Variants in XYLT1 observed in about 807,000 individuals in gnomAD.
XYLT1 encodes the protein beta-D-xylosyltransferase 1.
In XYLT1, 36 loss-of-function variants were observed where a neutral mutation model predicts 91.3. The ratio of observed to expected loss-of-function variants is 0.39; its 90% confidence interval spans 0.30 to 0.52. XYLT1 has a LOEUF of 0.52. XYLT1 is among the 20% of genes least tolerant of loss of function. XYLT1 has a pLI of 0.68. For synonymous variants in XYLT1, 588 were observed against 532.0 expected, an observed-to-expected ratio of 1.11 and a Z score of -1.45; for missense variants, 1,242 against 1,284.5, an observed-to-expected ratio of 0.97 and a Z score of 0.51.
At chr16:17,232,429 G>GTGTGTATATA (rs1194509016) in intron 3 of XYLT1, among the ~76,000 whole-genome samples, 7 of 121,734 alleles carry the variant, frequency 5.8e-5, no homozygotes, top group African/African-American at 2.1e-4. Context: ...GTGTGTGTGT[G>GTGTGTATATA]TATATATATA....
At chr16:17,132,142 T>C (rs1027065937) in intron 9 of XYLT1, among the ~76,000 whole-genome samples, 1 of 152,180 alleles carries the variant, frequency 6.6e-6, no homozygotes, top group African/African-American at 2.4e-5. Flanking sequence ...TGGAACGACA[T>C]TTGCCTTCCA....
chr16:17,104,099 G>T lies in XYLT1; in HGVS notation c.*4596C>A. The T allele has an allele frequency of 6.5e-6, 1 of 152,888 alleles. No individual in the cohort carries two copies. Among genetic ancestry groups the T allele is most frequent in the Non-Finnish European group, 1.5e-5 (1 of 68,180 alleles). 9.5% of individuals were successfully genotyped at this position (152,888 alleles called of 1,614,324 possible). ...TGTGGTAGACCCATGGGCAAAGTAA[G>T]GTAACTGAGGCAGAAGCAAACAGGA... On this transcript the variant is annotated 3_prime_UTR_variant, in exon 12 of 12. Transcript: ENST00000261381.
intron 10 of XYLT1, among the ~76,000 whole-genome samples, chr16:17,127,202 C>T (rs2030292229): frequency 6.6e-6 from 1 of 152,192 alleles, no homozygotes; most frequent in South Asian, 2.1e-4. Flanking sequence ...TGATCTGGTA[C>T]TTCCCTTGAG....
chr16:17,337,768 A>AATTTTTCTTTTTT lies in XYLT1; in HGVS notation c.402+20243_402+20244insAAAAAAGAAAAAT, dbSNP rs1272127217. On this transcript the variant is annotated intron_variant, in intron 2 of 11. Transcript: ENST00000261381. ...CTGAGTCCTACTTTGTCTGTTCCAC[A>AATTTTTCTTTTTT]TTTTTTCTTTTTCTTTTTTTTTTTT... Among the ~76,000 whole-genome samples, 4 of 102,550 alleles carry AATTTTTCTTTTTT rather than the reference A, an allele frequency of 3.9e-5. 1 individual carries two copies. The highest frequency in any genetic ancestry group is 3.9e-5 in the African/African-American group (1 of 25,798). The allele number at this position is 102,550 out of a possible 152,430, so 67.3% of individuals were successfully genotyped here.
rs987426270 is a variant in XYLT1, at chr16:17,158,810, G to A, written c.1370+19C>T. On this transcript the variant is annotated intron_variant, in intron 6 of 11. Transcript: ENST00000261381. ...ATTTTCATTTCCATTTTGTACAGGG[G>A]TAGGGGTTGAGGTGCTACCTTGCAT... The A allele has an allele frequency of 6.2e-7, 1 of 1,612,598 alleles. No homozygotes were observed. The highest frequency in any genetic ancestry group is 8.5e-7 in the Non-Finnish European group (1 of 1,178,638).
At chr16:17,258,020 G>C (rs886563019) in intron 3 of XYLT1, among the ~76,000 whole-genome samples, 5 of 152,144 alleles carry the variant, frequency 3.3e-5, no homozygotes, top group Non-Finnish European at 5.9e-5. Context: ...CACTCTGCCT[G>C]TGAATTTCTG....
intron 2 of XYLT1, among the ~76,000 whole-genome samples, chr16:17,334,521 G>C (rs568677699): frequency 4.5e-5 from 5 of 111,076 alleles, no homozygotes; most frequent in African/African-American, 9.6e-5. Context: ...TCACACTTCA[G>C]ACCAAAAAAA....
intron 2 of XYLT1, among the ~76,000 whole-genome samples, chr16:17,336,850 A>G (rs1226942300): frequency 6.6e-6 from 1 of 152,206 alleles, no homozygotes; most frequent in African/African-American, 2.4e-5. Context: ...AAGCAGTCCT[A>G]GAAAAAATGC....
chr16:17,186,789 T>C (rs982043507), intron 5 of XYLT1, among the ~76,000 whole-genome samples: 11 of 152,144 alleles, frequency 7.2e-5, no homozygotes, highest in Admixed American at 1.3e-4. Context: ...TTTAAGAGTC[T>C]GGCTCAGCCT....
chr16:17,249,090 T>C (rs2033493283), intron 3 of XYLT1, among the ~76,000 whole-genome samples: 1 of 152,154 alleles, frequency 6.6e-6, no homozygotes, highest in Non-Finnish European at 1.5e-5. Flanking sequence ...ACAAGCTCCC[T>C]GAGGACGGGG....
intron 2 of XYLT1, among the ~76,000 whole-genome samples, chr16:17,291,407 G>A (rs1315670039): frequency 6.6e-6 from 1 of 152,208 alleles, no homozygotes; most frequent in South Asian, 2.1e-4. Flanking sequence ...CACAGATGTC[G>A]AAACTGAGGC....
At chr16:17,421,383 G>T (rs1170393845) in intron 1 of XYLT1, among the ~76,000 whole-genome samples, 2 of 152,188 alleles carry the variant, frequency 1.3e-5, no homozygotes, top group African/African-American at 4.8e-5. Context: ...CCCTTCAAGA[G>T]GTGGGACTTA....
chr16:17,279,420 A>G (rs2034024487), intron 2 of XYLT1, among the ~76,000 whole-genome samples: 1 of 152,320 alleles, frequency 6.6e-6, no homozygotes, highest in South Asian at 2.1e-4. Context: ...AGAGAGGTGA[A>G]GACACTTCCT....
At chr16:17,151,034 G>A (rs2031269644) in intron 6 of XYLT1, among the ~76,000 whole-genome samples, 1 of 152,142 alleles carries the variant, frequency 6.6e-6, no homozygotes, top group African/African-American at 2.4e-5. Context: ...TCTGATTGGT[G>A]GAAGGGACAT....
intron 9 of XYLT1, among the ~76,000 whole-genome samples, chr16:17,132,306 G>A (rs1380410257): frequency 6.6e-6 from 1 of 152,176 alleles, no homozygotes; most frequent in Non-Finnish European, 1.5e-5. Context: ...TTGGGAGACG[G>A]TGGGTGTGGG....
intron 3 of XYLT1, among the ~76,000 whole-genome samples, chr16:17,209,927 G>T (rs1049677219): frequency 1.3e-5 from 2 of 152,130 alleles, no homozygotes; most frequent in African/African-American, 4.8e-5. Context: ...ACGGGATCTC[G>T]CTCTGTTGCC....
At chr16:17,372,101 C>T (rs1165153562) in intron 1 of XYLT1, among the ~76,000 whole-genome samples, 1 of 152,196 alleles carries the variant, frequency 6.6e-6, no homozygotes, top group Non-Finnish European at 1.5e-5. Context: ...AGTTTTACTT[C>T]TGAGCTGGGA....
chr16:17,370,014 G>C (rs2035509958), intron 1 of XYLT1, among the ~76,000 whole-genome samples: 1 of 152,172 alleles, frequency 6.6e-6, no homozygotes, highest in Non-Finnish European at 1.5e-5. Flanking sequence ...GTATGGCCTG[G>C]GATAGAACAT....
Position 17,249,194 on chromosome 16 carries a change from T to C in XYLT1, c.913+9794A>G, listed in dbSNP as rs12102919. ...TGACTAATTGTTGAATGAGGGTATA[T>C]TGAAGGGAGCTGGTGACAAACAGTT... is the stretch of plus-strand genomic sequence containing the variant. On this transcript the variant is annotated intron_variant, in intron 3 of 11. Transcript: ENST00000261381. Among the ~76,000 whole-genome samples the C allele has an allele frequency of 8.9e-3, 1,353 of 152,264 alleles. 16 individuals are homozygous for C. Among genetic ancestry groups the C allele is most frequent in the African/African-American group, 0.031 (1,284 of 41,530 alleles).
Sources: allele counts gnomAD v4.1 joint callset (sites outside exome capture counted in the v4.1 genomes callset), GRCh38; gene constraint gnomAD v4.1.1; transcripts MANE v1.5; gene names NCBI Gene and HGNC (gene_info 2026-07-23, HGNC 2026-07-21).